EYS: variants seen among roughly 807,000 people sequenced by gnomAD.
EYS encodes protein eyes shut homolog.
A neutral mutation model predicts 282.1 loss-of-function variants in EYS; 250 were observed. The ratio of observed to expected loss-of-function variants is 0.89; its 90% CI spans 0.80 to 0.98. The LOEUF is 0.98. Ranked by LOEUF, EYS falls within the 50% of genes least tolerant of loss-of-function variation. The probability of loss-of-function intolerance (pLI) is 0.00; values close to 1 mark genes in which losing one functional copy is unlikely to be tolerated. For synonymous variants in EYS, 1,355 were observed against 1,282.9 expected (o/e 1.06, Z -1.20); for missense variants, 4,016 against 3,709.0 (o/e 1.08, Z -2.15).
At chr6:64,187,951 A>G (rs1040781052) in intron 31 of EYS, among the ~76,000 whole-genome samples, 6 of 152,210 alleles carry the variant, frequency 3.9e-5, no homozygotes, top group African/African-American at 1.4e-4. Flanking sequence ...GTGTATTCTG[A>G]AAACAGCAAG....
At chr6:64,295,444 GGAAGAAGAAGAA>G (rs750048240) in intron 30 of EYS, among the ~76,000 whole-genome samples, 141 of 5,856 alleles carry the variant, frequency 0.024, no homozygotes, top group East Asian at 0.048. Context: ...AGGAAGAAGA[GGAAGAAGAAGAA>G]GAAGAAGAAG....
chr6:65,583,004 CA>C (rs895281000), intron 2 of EYS, among the ~76,000 whole-genome samples: 2 of 151,930 alleles, frequency 1.3e-5, no homozygotes, highest in African/African-American at 4.8e-5. Flanking sequence ...CATTTCATCA[CA>C]GTAATGGCAA....
chr6:64,114,338 C>G (rs542031716), intron 31 of EYS, among the ~76,000 whole-genome samples: 1 of 151,662 alleles, frequency 6.6e-6, no homozygotes, highest in Non-Finnish European at 1.5e-5. Context: ...TTCATAATGC[C>G]TTTCTAAACT....
At chr6:64,676,111 T>G (rs1245671762) in intron 22 of EYS, among the ~76,000 whole-genome samples, 4 of 142,022 alleles carry the variant, frequency 2.8e-5, no homozygotes, top group Non-Finnish European at 6.1e-5. Flanking sequence ...GAGAGCCATT[T>G]AATCTTCTCA....
At chr6:65,327,797 C>T (rs1769665781) in intron 11 of EYS, among the ~76,000 whole-genome samples, 1 of 151,426 alleles carries the variant, frequency 6.6e-6, no homozygotes, top group African/African-American at 2.4e-5. Flanking sequence ...GCTCTTTGCA[C>T]TCATACACAG....
intron 1 of EYS, among the ~76,000 whole-genome samples, chr6:65,651,084 G>A (rs1011433366): frequency 6.6e-6 from 1 of 151,992 alleles, no homozygotes; most frequent in African/African-American, 2.4e-5. Flanking sequence ...ATAATAAAAT[G>A]TCTAATGTCT....
chr6:65,185,833 G>T (rs946732057), intron 12 of EYS, among the ~76,000 whole-genome samples: 7 of 151,570 alleles, frequency 4.6e-5, no homozygotes, highest in Non-Finnish European at 7.4e-5. Context: ...TTTATTATGT[G>T]ATTTTATTTA....
At position 64,352,576 on chromosome 6, in the gene EYS, C is replaced by T. The variant is rs554686602; in HGVS notation, c.6078+36114G>A. Among the ~76,000 whole-genome samples the T allele has an allele frequency of 2.0e-4, 31 of 151,612 alleles. No individual in the cohort carries two copies. The South Asian group carries it at 6.2e-3, about 30-fold the overall frequency. Reference sequence around the variant, plus strand: ...TGTATGCCTGTCTTTTCGTCTTACCCTGCATCCAACTCAGTGATGGTATAT... The same window carrying T: ...TGTATGCCTGTCTTTTCGTCTTACCTTGCATCCAACTCAGTGATGGTATAT... On this transcript the variant is annotated intron_variant, in intron 29 of 42. Transcript: ENST00000503581.
chr6:65,409,940 C>T (rs926110094), intron 5 of EYS, among the ~76,000 whole-genome samples: 17 of 151,886 alleles, frequency 1.1e-4, no homozygotes, highest in African/African-American at 4.1e-4. Context: ...ACAACTCAAC[C>T]TTTAATTTGT....
chr6:64,931,355 T>C (rs1768716636), intron 15 of EYS, among the ~76,000 whole-genome samples: 1 of 152,118 alleles, frequency 6.6e-6, no homozygotes, highest in Non-Finnish European at 1.5e-5. Context: ...GAATAACTCT[T>C]CACAAAGTTA....
intron 5 of EYS, among the ~76,000 whole-genome samples, chr6:65,482,384 T>C (rs1479933405): frequency 6.6e-6 from 1 of 152,222 alleles, no homozygotes; most frequent in African/African-American, 2.4e-5. Context: ...ATTCCACTTA[T>C]GAGAGCAAGG....
At chr6:63,768,014 C>T (rs1582188077) in intron 40 of EYS, among the ~76,000 whole-genome samples, 1 of 152,104 alleles carries the variant, frequency 6.6e-6, no homozygotes, top group African/African-American at 2.4e-5. Context: ...GGATAACTGG[C>T]TAGCCATATG....
chr6:65,159,572 C>T (rs1047347108), intron 12 of EYS, among the ~76,000 whole-genome samples: 6 of 150,732 alleles, frequency 4.0e-5, no homozygotes, highest in Non-Finnish European at 7.4e-5. Context: ...TACCAGTAAC[C>T]TCTATCAATT....
chr6:64,284,746 C>T (rs1004066694), intron 30 of EYS, among the ~76,000 whole-genome samples: 5 of 152,180 alleles, frequency 3.3e-5, no homozygotes, highest in Non-Finnish European at 5.9e-5. Flanking sequence ...TTTCTGCACC[C>T]GCATGCTCAA....
chr6:65,607,348 A>C (rs1412218306), intron 2 of EYS, among the ~76,000 whole-genome samples: 1 of 151,860 alleles, frequency 6.6e-6, no homozygotes. Flanking sequence ...CAGAAACCAT[A>C]GTAACTTCTC....
intron 41 of EYS, 31 bp from the exon 42 acceptor site, chr6:63,726,711 A>T (rs747133617): frequency 2.6e-6 from 4 of 1,526,928 alleles, no homozygotes; most frequent in Non-Finnish European, 2.7e-6. Context: ...GAACTCTGGG[A>T]GTTATCTGCT....
intron 5 of EYS, among the ~76,000 whole-genome samples, chr6:65,419,272 C>T (rs1481511110): frequency 6.6e-6 from 1 of 151,734 alleles, no homozygotes; most frequent in Non-Finnish European, 1.5e-5. Context: ...ATCTACACCT[C>T]ATTAAGAATA....
At chr6:64,815,553 T>C (rs1764721903) in intron 21 of EYS, among the ~76,000 whole-genome samples, 1 of 152,220 alleles carries the variant, frequency 6.6e-6, no homozygotes, top group South Asian at 2.1e-4. Context: ...AATCAAATTG[T>C]CATTTAAAGT....
chr6:65,509,619 C>A (rs1016086334), intron 2 of EYS, among the ~76,000 whole-genome samples: 1 of 152,122 alleles, frequency 6.6e-6, no homozygotes, highest in Non-Finnish European at 1.5e-5. Flanking sequence ...AAACTCTATG[C>A]TAGGCATATG....
Sources: gnomAD v4.1 joint callset for allele counts (sites outside exome capture counted in the v4.1 genomes callset) on GRCh38, gnomAD v4.1.1 for gene constraint, MANE v1.5 for transcripts, NCBI Gene and HGNC (gene_info 2026-07-23, HGNC 2026-07-21) for gene names.